Variants in BMAL2 observed in about 807,000 individuals in gnomAD.
BMAL2 encodes basic helix-loop-helix ARNT-like protein 2.
chr12:27,377,909 T>TGTG, the BMAL2 span, among the ~76,000 whole-genome samples: 3 of 152,114 alleles, frequency 2.0e-5, no homozygotes, highest in Non-Finnish European at 4.4e-5. Context: ...GGGCAGGGGG[T>TGTG]GTGGTAGCTC....
At chr12:27,346,529 C>T in the BMAL2 span, among the ~76,000 whole-genome samples, 2 of 152,206 alleles carry the variant, frequency 1.3e-5, no homozygotes, top group East Asian at 1.9e-4. Flanking sequence ...TCCCAAAGTG[C>T]TAGGATTACA....
At chr12:27,376,857 G>A in the BMAL2 span, among the ~76,000 whole-genome samples, 13 of 151,938 alleles carry the variant, frequency 8.6e-5, no homozygotes, top group East Asian at 1.7e-3. Flanking sequence ...AAAATTAGCC[G>A]GGCGTGGTGG....
the BMAL2 span, among the ~76,000 whole-genome samples, chr12:27,338,019 A>G: frequency 2.6e-5 from 4 of 152,176 alleles, no homozygotes; most frequent in African/African-American, 9.6e-5. Context: ...TCTTAGCTCC[A>G]CCCTTAAGTT....
chr12:27,415,960 G>A, the BMAL2 span: 13 of 1,502,150 alleles, frequency 8.7e-6, no homozygotes, highest in Non-Finnish European at 8.2e-6. Context: ...AAGTATACTT[G>A]TAAATGATAA....
chr12:27,386,582 A>G, the BMAL2 span, among the ~76,000 whole-genome samples: 1 of 152,084 alleles, frequency 6.6e-6, no homozygotes, highest in Non-Finnish European at 1.5e-5. Context: ...ATCCACAGGC[A>G]ATTGTTGTTC....
At chr12:27,342,290 T>A in the BMAL2 span, among the ~76,000 whole-genome samples, 1 of 152,200 alleles carries the variant, frequency 6.6e-6, no homozygotes, top group Non-Finnish European at 1.5e-5. Flanking sequence ...GTCTTAGAAG[T>A]TACTTGTAAA....
chr12:27,421,962 A>G, the BMAL2 span: 1 of 152,240 alleles, frequency 6.6e-6, no homozygotes, highest in Non-Finnish European at 1.5e-5. Flanking sequence ...AAAGGTAATA[A>G]AACAAAATGA....
At chr12:27,345,297 G>A in the BMAL2 span, among the ~76,000 whole-genome samples, 19,267 of 152,196 alleles carry the variant, frequency 0.13, 1,403 homozygotes, top group Non-Finnish European at 0.17. Flanking sequence ...CATTCTAGGT[G>A]TCTTTCTTTC....
the BMAL2 span, among the ~76,000 whole-genome samples, chr12:27,397,319 C>A: frequency 6.6e-6 from 1 of 152,236 alleles, no homozygotes; most frequent in Non-Finnish European, 1.5e-5. Context: ...ATCCGCCAAC[C>A]TTGGCCTCCC....
the BMAL2 span, among the ~76,000 whole-genome samples, chr12:27,342,512 G>T: frequency 1.8e-4 from 27 of 152,204 alleles, no homozygotes; most frequent in South Asian, 4.1e-4. Flanking sequence ...ATACTTGACA[G>T]AGGGCATTAT....
chr12:27,400,736 G>T, the BMAL2 span: 1 of 1,611,972 alleles, frequency 6.2e-7, no homozygotes, highest in Non-Finnish European at 8.5e-7. Flanking sequence ...TTATAACCCG[G>T]TTTGCAGTGA....
chr12:27,360,336 T>C, the BMAL2 span, among the ~76,000 whole-genome samples: 1 of 152,164 alleles, frequency 6.6e-6, no homozygotes, highest in Non-Finnish European at 1.5e-5. Context: ...ATTGTGATCC[T>C]GGACCAGCAA....
chr12:27,341,456 G>A, the BMAL2 span, among the ~76,000 whole-genome samples: 4 of 152,268 alleles, frequency 2.6e-5, no homozygotes, highest in Non-Finnish European at 5.9e-5. Flanking sequence ...TGCTCCCCAC[G>A]GATAAAGCCT....
the BMAL2 span, among the ~76,000 whole-genome samples, chr12:27,395,770 C>T: frequency 3.7e-4 from 56 of 152,198 alleles, no homozygotes; most frequent in African/African-American, 1.2e-3. Context: ...AGAGTTAATT[C>T]GTAGTTGAAT....
the BMAL2 span, among the ~76,000 whole-genome samples, chr12:27,365,721 A>AT: frequency 0.29 from 43,744 of 149,026 alleles, 7,068 homozygotes; most frequent in East Asian, 0.44. Context: ...ATGACCCCAA[A>AT]TTTTTTTTTT....
the BMAL2 span, among the ~76,000 whole-genome samples, chr12:27,407,695 A>G: frequency 6.6e-6 from 1 of 152,228 alleles, no homozygotes. Context: ...TAGAGAAGCA[A>G]GAGCAAACAC....
the BMAL2 span, chr12:27,380,196 C>G: frequency 6.3e-7 from 1 of 1,577,056 alleles, no homozygotes; most frequent in East Asian, 2.2e-5. Context: ...ACGGGGGTGA[C>G]TGGGGGTCTG....
chr12:27,420,306 T>A, the BMAL2 span: 2 of 1,545,854 alleles, frequency 1.3e-6, no homozygotes, highest in African/African-American at 2.8e-5. Flanking sequence ...TGCCATTTTT[T>A]ATCACAATCA....
the BMAL2 span, chr12:27,400,411 A>G: frequency 3.9e-6 from 3 of 773,204 alleles, no homozygotes; most frequent in Non-Finnish European, 3.8e-6. Flanking sequence ...TTCCCCTTTC[A>G]TATTTTAGCA....
Sources: gnomAD v4.1 joint callset for allele counts (sites outside exome capture counted in the v4.1 genomes callset) on GRCh38, gnomAD v4.1.1 for gene constraint, MANE v1.5 for transcripts, NCBI Gene and HGNC (gene_info 2026-07-23, HGNC 2026-07-21) for gene names.